Variants in VPS13C observed in about 807,000 individuals in gnomAD.
VPS13C encodes vacuolar protein sorting 13 homolog C.
Under a neutral mutation model 456.8 loss-of-function variants are expected in VPS13C, and 358 were observed. The observed-to-expected ratio is 0.78, with a 90% CI of 0.72 to 0.86. The LOEUF (loss-of-function observed/expected upper bound fraction) is 0.86. Among genes scored for constraint, VPS13C ranks in the 40% least tolerant of loss-of-function variants. VPS13C has a pLI of 0.00. For synonymous variants in VPS13C, 1,578 were observed against 1,486.7 expected, an observed-to-expected ratio of 1.06 and a Z score of -1.41; for missense variants, 4,818 against 4,385.4, an observed-to-expected ratio of 1.10 and a Z score of -2.79.
chr15:61,953,038 T>C (rs976499095), intron 38 of VPS13C, among the ~76,000 whole-genome samples: 5 of 152,078 alleles, frequency 3.3e-5, no homozygotes, highest in Non-Finnish European at 7.4e-5. Context: ...TAAAACTTTA[T>C]TATTTTTAGC....
In VPS13C at chr15:62,010,581, G is replaced by C; in HGVS notation, c.902C>G (p.Ala301Gly). ...AGGATTCATGTAGAGTTTTGCAGAG[G>C]CTGATATTGGCTGGAAAACTTACAT... ...NYQYIFQPIS[A>G]SAKLYMNPYA... Residue 301 changes from alanine (A) to glycine (G), a missense_variant, in exon 13 of 85, where the codon GCC becomes GGC. Coordinates refer to ENST00000644861, the MANE Select transcript of VPS13C (RefSeq NM_020821.3). 2 of 1,610,748 alleles carry C rather than the reference G, an allele frequency of 1.2e-6. No homozygotes were observed. Among genetic ancestry groups the C allele is most frequent in the Non-Finnish European group, 1.7e-6 (2 of 1,178,818 alleles).
intron 66 of VPS13C, among the ~76,000 whole-genome samples, chr15:61,900,504 T>A (rs1428053889): frequency 6.6e-6 from 1 of 152,178 alleles, no homozygotes; most frequent in African/African-American, 2.4e-5. Context: ...GAACTCCCAT[T>A]CACAACTGAT....
chr15:62,003,364 G>C, intron 15 of VPS13C, among the ~76,000 whole-genome samples: 1 of 151,720 alleles, frequency 6.6e-6, no homozygotes, highest in South Asian at 2.1e-4. Flanking sequence ...TTTGCACATT[G>C]ATTTTGTATC....
At chr15:61,949,668 C>T (rs2044721077) in intron 41 of VPS13C, 63 bp from the exon 42 acceptor site, 1 of 1,504,202 alleles carries the variant, frequency 6.6e-7, no homozygotes, top group Non-Finnish European at 9.0e-7. Flanking sequence ...CATCAGGGTT[C>T]AACAGATATA....
chr15:62,013,976 C>T lies in VPS13C; in HGVS notation c.701G>A (p.Trp234Ter). 6.2e-7 allele frequency: 1 copy of T among 1,609,764 alleles called. No homozygotes were observed. The highest frequency in any genetic ancestry group is 8.5e-7 in the Non-Finnish European group (1 of 1,177,508). Residue 234 changes from tryptophan (W) to a stop codon, truncating the protein, a stop_gained, in exon 10 of 85, where the codon TGG becomes TAG. Coordinates refer to ENST00000644861, the MANE Select transcript of VPS13C (RefSeq NM_020821.3). LOFTEE classifies it high-confidence loss of function. ...TGCTTCATTTAATATGCATGGAGTC[C>T]AGTGTTCATTTGCAGTCTAAAAGAA... ...ELSLLTANEH[W>*]TPCILNEADK...
intron 25 of VPS13C, among the ~76,000 whole-genome samples, chr15:61,973,974 T>A (rs2045630385): frequency 6.6e-6 from 1 of 152,110 alleles, no homozygotes. Flanking sequence ...CTTTATCAAA[T>A]TTCATTTCAA....
At chr15:61,869,438 T>C in intron 80 of VPS13C, 62 bp downstream of exon 80, 1 of 1,573,696 alleles carries the variant, frequency 6.4e-7, no homozygotes, top group Non-Finnish European at 8.7e-7. Flanking sequence ...AATCTATTTA[T>C]GTATTCCTTG....
At chr15:61,950,555 C>CAAAAA in intron 40 of VPS13C, 138 bp from the exon 41 acceptor site, 1 of 477,596 alleles carries the variant, frequency 2.1e-6, no homozygotes, top group East Asian at 3.7e-5. Context: ...GAAAGCCATT[C>CAAAAA]AAAAAAAAAA....
intron 27 of VPS13C, among the ~76,000 whole-genome samples, chr15:61,969,718 T>C (rs1223351323): frequency 3.3e-5 from 5 of 152,184 alleles, no homozygotes; most frequent in Admixed American, 3.3e-4. Flanking sequence ...ATGTATAGAT[T>C]CTTCCTAAAT....
intron 6 of VPS13C, among the ~76,000 whole-genome samples, chr15:62,026,175 A>G (rs2047630570): frequency 6.6e-6 from 1 of 151,350 alleles, no homozygotes; most frequent in Non-Finnish European, 1.5e-5. Flanking sequence ...CAAACTCAAC[A>G]AGTGGAAGTT....
At chr15:61,958,055 T>C (rs2045068199) in intron 37 of VPS13C, among the ~76,000 whole-genome samples, 1 of 152,088 alleles carries the variant, frequency 6.6e-6, no homozygotes, top group Non-Finnish European at 1.5e-5. Context: ...ACATTTTATA[T>C]ATATATATAG....
chr15:61,916,916 CTTAA>C (rs1374605555), intron 60 of VPS13C, among the ~76,000 whole-genome samples: 1 of 152,000 alleles, frequency 6.6e-6, no homozygotes, highest in African/African-American at 2.4e-5. Context: ...TGGAATTTTA[CTTAA>C]TTAATAAACA....
intron 18 of VPS13C, among the ~76,000 whole-genome samples, chr15:61,987,892 A>T (rs72749733): frequency 0.072 from 10,916 of 152,210 alleles, 621 homozygotes; most frequent in East Asian, 0.23. Context: ...ATTTAACTCA[A>T]GAGAAGTAAA....
chr15:62,009,045 T>C lies in VPS13C; in HGVS notation c.1012-284A>G, dbSNP rs575022541. The stretch of plus-strand genomic sequence containing the variant: ...TAAATTGTCTTATCACCAATATATA[T>C]ACACATCCTATTTTCAAATGTTAAA... On this transcript the variant is annotated intron_variant, in intron 13 of 84. Coordinates refer to ENST00000644861, the MANE Select transcript of VPS13C (RefSeq NM_020821.3). 1.2e-4 allele frequency among the ~76,000 whole-genome samples: 19 copies of C among 152,256 alleles called. No individual in the cohort carries two copies. The East Asian group carries it at 3.3e-3, about 26-fold the overall frequency.
In VPS13C at chr15:61,920,211, T is replaced by C; in HGVS notation, c.7333A>G (p.Met2445Val). 22 of 1,613,658 alleles carry C rather than the reference T, an allele frequency of 1.4e-5. No homozygotes were observed. Among genetic ancestry groups the C allele is most frequent in the Non-Finnish European group, 1.9e-5 (22 of 1,179,688 alleles). ...KVKPNCNLRV[M>V]GFPEKSDIFD... ...ATATCACTTTTCTCAGGGAAGCCCATTACTCTGAGATTACAATTGGGCTTC... is the reference window on the plus strand; with the variant it reads ...ATATCACTTTTCTCAGGGAAGCCCACTACTCTGAGATTACAATTGGGCTTC... Residue 2445 changes from methionine to valine, a missense_variant, in exon 57 of 85, where the codon ATG (methionine) becomes GTG (valine). Met to Val is a conservative substitution (Grantham distance 21). Around this residue, in one of 3 missense-constraint regions of VPS13C, gnomAD observed 4,552 missense variants for 4,130.6 expected, o/e 1.10. Coordinates refer to ENST00000644861, the MANE Select transcript of VPS13C (RefSeq NM_020821.3).
intron 4 of VPS13C, 152 bp from the exon 5 acceptor site, chr15:62,033,694 A>G: frequency 2.2e-6 from 1 of 460,486 alleles, no homozygotes. Context: ...ACATTTAAAC[A>G]TAAATTATTC....
chr15:61,867,683 G>A lies in VPS13C; in HGVS notation c.10863+976C>T. ...AGGCTTTCATCTATTAAACGCAGAAGAGAGCTGATTCTCTGCATCCTTTAA... is the reference window on the plus strand; with the variant it reads ...AGGCTTTCATCTATTAAACGCAGAAAAGAGCTGATTCTCTGCATCCTTTAA... On this transcript the variant is annotated intron_variant, in intron 81 of 84. Transcript: ENST00000644861. The surrounding 1 kb of genome is among the most constrained non-coding windows in gnomAD (Gnocchi z 5.0). 3 of 1,306,846 alleles carry A rather than the reference G, an allele frequency of 2.3e-6. No homozygotes were observed. Among genetic ancestry groups the A allele is most frequent in the South Asian group, 4.1e-5 (2 of 48,518 alleles). 81.0% of individuals were successfully genotyped at this position (1,306,846 alleles called of 1,614,324 possible).
rs938131920 is a variant in VPS13C at position 61,866,064 on chromosome 15, G to C, written c.10864-2536C>G. The C allele has an allele frequency of 3.0e-6, 3 of 984,276 alleles. No homozygotes were observed. In the South Asian group the frequency reaches 1.4e-4, roughly 46 times the overall value. 61.0% of individuals were successfully genotyped at this position (984,276 alleles called of 1,614,324 possible). On this transcript the variant is annotated intron_variant, in intron 81 of 84. Transcript: ENST00000644861. The stretch of plus-strand genomic sequence containing the variant: ...TTACTCGGTCCCTTAAGGACAGAAG[G>C]CTTCTTTTGTATATCCAGTACAGTC...
intron 67 of VPS13C, 55 bp downstream of exon 67, chr15:61,890,110 T>A: frequency 1.3e-6 from 2 of 1,544,236 alleles, no homozygotes; most frequent in Non-Finnish European, 1.8e-6. Flanking sequence ...AATCGGCTAT[T>A]ATGAACTTAA....
Sources: gnomAD v4.1 joint callset for allele counts (sites outside exome capture counted in the v4.1 genomes callset) on GRCh38, gnomAD v4.1.1 for gene constraint, gnomAD v4.1.1 regional missense constraint, Gnocchi (gnomAD v3.1) non-coding constraint, MANE v1.5 for transcripts, NCBI Gene and HGNC (gene_info 2026-07-23, HGNC 2026-07-21) for gene names.